BICD1: variants seen among roughly 807,000 people sequenced by gnomAD.
The protein encoded by BICD1 is BICD cargo adaptor 1, also known as protein bicaudal D homolog 1.
In BICD1, 35 loss-of-function variants were observed where a neutral mutation model predicts 92.5. The ratio of observed to expected loss-of-function variants is 0.38; its 90% CI spans 0.29 to 0.50. The LOEUF (loss-of-function observed/expected upper bound fraction) is 0.50, where lower values mean the gene tolerates loss of function less well. BICD1 is among the 20% of genes least tolerant of loss of function. The probability of loss-of-function intolerance (pLI) is 0.93; values close to 1 mark genes in which losing one functional copy is unlikely to be tolerated. For missense variants in BICD1, 950 were observed against 1,189.8 expected, an observed-to-expected ratio of 0.80 and a Z score of 2.97; for synonymous variants, 429 against 465.1, an observed-to-expected ratio of 0.92 and a Z score of 1.00.
At chr12:32,219,067 G>A (rs1386101149) in intron 2 of BICD1, among the ~76,000 whole-genome samples, 1 of 152,126 alleles carries the variant, frequency 6.6e-6, no homozygotes, top group Non-Finnish European at 1.5e-5. Flanking sequence ...TACAGTGATT[G>A]GAAGAGAGAT....
At chr12:32,362,704 A>G (rs951177775) in intron 8 of BICD1, among the ~76,000 whole-genome samples, 2 of 152,194 alleles carry the variant, frequency 1.3e-5, no homozygotes, top group African/African-American at 2.4e-5. Context: ...TAGCATTAAA[A>G]AGACTAAATT....
chr12:32,361,891 C>T (rs1939343125), intron 8 of BICD1, among the ~76,000 whole-genome samples: 1 of 152,184 alleles, frequency 6.6e-6, no homozygotes, highest in Non-Finnish European at 1.5e-5. Flanking sequence ...TGGGTTTGGT[C>T]TCCACAGATG....
In BICD1 at chr12:32,128,710, T is replaced by C. The variant is rs80074219; in HGVS notation, c.213+21166T>C. On this transcript the variant is annotated intron_variant, in intron 1 of 9. Coordinates refer to ENST00000652176, the MANE Select transcript of BICD1 (RefSeq NM_001714.4). ...AGCCAAAATACTTGAGTTTTTTTCC[T>C]GTCATAATATATCAATATGAGAAAT... is the stretch of plus-strand genomic sequence containing the variant. Among the ~76,000 whole-genome samples, 957 of 152,320 alleles carry C rather than the reference T, an allele frequency of 6.3e-3. 8 individuals carry two copies. Among genetic ancestry groups the C allele is most frequent in the African/African-American group, 0.022 (926 of 41,568 alleles).
intron 2 of BICD1, among the ~76,000 whole-genome samples, chr12:32,233,902 G>T (rs1380234467): frequency 1.3e-5 from 2 of 152,078 alleles, no homozygotes; most frequent in African/African-American, 4.8e-5. Context: ...TCTCCTAAGG[G>T]AATTTACAGA....
chr12:32,303,782 G>T (rs12304060), intron 3 of BICD1, among the ~76,000 whole-genome samples: 25,578 of 151,882 alleles, frequency 0.17, 2,732 homozygotes, highest in African/African-American at 0.3. Flanking sequence ...TTACATAAGA[G>T]AAAAACCTCT....
chr12:32,251,018 A>G (rs1431385450), intron 2 of BICD1, among the ~76,000 whole-genome samples: 2 of 152,182 alleles, frequency 1.3e-5, no homozygotes, highest in Non-Finnish European at 2.9e-5. Context: ...GGATGAAATC[A>G]TAAGCTTAGG....
chr12:32,142,887 C>G (rs1942990008), intron 1 of BICD1, among the ~76,000 whole-genome samples: 1 of 150,116 alleles, frequency 6.7e-6, no homozygotes. Context: ...ATTGTGCATT[C>G]AATTTGCATT....
intron 8 of BICD1, among the ~76,000 whole-genome samples, chr12:32,349,177 T>C (rs1032257103): frequency 6.6e-6 from 1 of 152,134 alleles, no homozygotes; most frequent in African/African-American, 2.4e-5. Flanking sequence ...AAGAGAGCCA[T>C]CCGTATCTTC....
chr12:32,213,333 C>T (rs1015209348), intron 1 of BICD1, among the ~76,000 whole-genome samples: 1 of 152,190 alleles, frequency 6.6e-6, no homozygotes, highest in African/African-American at 2.4e-5. Flanking sequence ...TTAGCTTATG[C>T]ATTTTTGACA....
intron 1 of BICD1, among the ~76,000 whole-genome samples, chr12:32,114,621 C>T (rs942936489): frequency 9.2e-5 from 14 of 152,076 alleles, no homozygotes; most frequent in Non-Finnish European, 1.5e-4. Flanking sequence ...GAGCTAAGGA[C>T]AGTCCGCCTG....
At chr12:32,123,071 A>G (rs1334901443) in intron 1 of BICD1, among the ~76,000 whole-genome samples, 1 of 132,652 alleles carries the variant, frequency 7.5e-6, no homozygotes, top group Non-Finnish European at 1.8e-5. Flanking sequence ...AACAAAATGA[A>G]TGAGTTAAGT....
chr12:32,306,539 A>G (rs553892356), intron 4 of BICD1, among the ~76,000 whole-genome samples: 75 of 151,628 alleles, frequency 4.9e-4, no homozygotes, highest in South Asian at 1.5e-3. Context: ...CACCGCGCCC[A>G]GCCCCAGCTT....
intron 2 of BICD1, among the ~76,000 whole-genome samples, chr12:32,252,405 G>A (rs1946591121): frequency 6.6e-6 from 1 of 151,702 alleles, no homozygotes; most frequent in South Asian, 2.1e-4. Context: ...TTTAGCAGTG[G>A]TCTTACAAGT....
chr12:32,191,673 ATATATAT>A (rs1944573586), intron 1 of BICD1, among the ~76,000 whole-genome samples: 1 of 146,018 alleles, frequency 6.8e-6, no homozygotes, highest in Non-Finnish European at 1.5e-5. Context: ...GTTATATATA[ATATATAT>A]TATATATAAT....
intron 9 of BICD1, among the ~76,000 whole-genome samples, chr12:32,375,986 A>T (rs1161027944): frequency 2.0e-5 from 3 of 152,054 alleles, no homozygotes; most frequent in South Asian, 2.1e-4. Flanking sequence ...TATAGTACTG[A>T]CTTTCATAGT....
chr12:32,110,765 C>G (rs1443482602), intron 1 of BICD1, among the ~76,000 whole-genome samples: 2 of 142,800 alleles, frequency 1.4e-5, no homozygotes, highest in Non-Finnish European at 3.0e-5. Context: ...CATGTTCTCA[C>G]TCATAGATGG....
intron 1 of BICD1, among the ~76,000 whole-genome samples, chr12:32,204,310 A>AT (rs1944987646): frequency 1.3e-5 from 2 of 148,686 alleles, no homozygotes; most frequent in African/African-American, 5.0e-5. Flanking sequence ...TGATCATGCC[A>AT]TTGCACTCTA....
intron 1 of BICD1, among the ~76,000 whole-genome samples, chr12:32,144,820 C>T (rs573543710): frequency 1.3e-5 from 2 of 152,202 alleles, no homozygotes; most frequent in African/African-American, 4.8e-5. Flanking sequence ...TTTTCTGATA[C>T]CCCCACTGGA....
intron 1 of BICD1, among the ~76,000 whole-genome samples, chr12:32,177,005 C>A (rs570768546): frequency 6.6e-6 from 1 of 151,086 alleles, no homozygotes; most frequent in East Asian, 1.9e-4. Context: ...AGTCACTTTA[C>A]AAAATTCTTT....
Sources: allele counts gnomAD v4.1 joint callset (sites outside exome capture counted in the v4.1 genomes callset), GRCh38; gene constraint gnomAD v4.1.1; transcripts MANE v1.5; gene names NCBI Gene and HGNC (gene_info 2026-07-23, HGNC 2026-07-21).